The following MARF1 variants were observed in gnomAD, a reference collection of about 807,000 sequenced individuals.
MARF1 encodes the protein meiosis regulator and mRNA stability factor 1.
A neutral mutation model predicts 168.2 loss-of-function variants in MARF1; 24 were observed. The observed-to-expected ratio is 0.14, with a 90% confidence interval of 0.10 to 0.20. The LOEUF is 0.20. Among genes scored for constraint, MARF1 ranks in the 10% least tolerant of loss-of-function variants. The probability of loss-of-function intolerance (pLI) is 1.00; values close to 1 mark genes in which losing one functional copy is unlikely to be tolerated. For synonymous variants in MARF1, 868 were observed against 822.4 expected, an observed-to-expected ratio of 1.06 and a Z score of -0.95; for missense variants, 1,744 against 2,143.6, an observed-to-expected ratio of 0.81 and a Z score of 3.68.
At position 15,617,352 on chromosome 16, in the gene MARF1, C is replaced by T; in HGVS notation, c.2904G>A (p.Glu968=). 1 of 1,614,170 alleles carries T rather than the reference C, an allele frequency of 6.2e-7. No homozygotes were observed. The highest frequency in any genetic ancestry group is 8.5e-7 in the Non-Finnish European group (1 of 1,180,036). Reference sequence around the variant, plus strand: ...TGCAGACAGGCTCGTGATATTCTAACTCTTCAAATATAATTGGGCTGCAAT... The same window carrying T: ...TGCAGACAGGCTCGTGATATTCTAATTCTTCAAATATAATTGGGCTGCAAT... ...STNCSPIIFE[E]LEYHEPVCRQ... The change falls in exon 14 of 27, where the codon GAG becomes GAA. Residue 968 remains glutamate (E), a synonymous_variant. Coordinates refer to ENST00000396368, the MANE Select transcript of MARF1 (RefSeq NM_014647.4).
chr16:15,622,027 G>A lies in MARF1; in HGVS notation c.2461-116C>T, dbSNP rs1001375511. 9 of 897,940 alleles carry A rather than the reference G, an allele frequency of 1.0e-5. No individual in the cohort carries two copies. The African/African-American group carries it at 1.2e-4, about 12-fold the overall frequency. 55.6% of individuals were successfully genotyped at this position (897,940 alleles called of 1,614,324 possible). A position where few individuals can be genotyped will look rare whatever the true frequency, so the allele number is the denominator to read the frequency against. Reference sequence around the variant, plus strand: ...TCGACTGCAGCGCTTCCATGAAGGAGTATGTCTGAACTCTGCTCTTCTGCT... The same window carrying A: ...TCGACTGCAGCGCTTCCATGAAGGAATATGTCTGAACTCTGCTCTTCTGCT... On this transcript the variant is annotated intron_variant, in intron 11 of 26. Coordinates refer to ENST00000396368, the MANE Select transcript of MARF1 (RefSeq NM_014647.4).
rs774834683 is a variant in MARF1 at position 15,622,943 on chromosome 16, C to A, written c.2451G>T (p.Arg817Ser). The change falls in exon 11 of 27, where the codon AGG (arginine) becomes AGT (serine). Residue 817 changes from arginine to serine, a missense_variant. Around this residue, in one of 7 missense-constraint regions of MARF1, gnomAD observed 543 missense variants for 742.1 expected, o/e 0.73. Coordinates refer to ENST00000396368, the MANE Select transcript of MARF1 (RefSeq NM_014647.4). ...LQQLLQEAFA[R>S]HGKVKSVELS... The stretch of plus-strand genomic sequence containing the variant: ...AGAGGGAAAAAGTTACCTTGCCATG[C>A]CTGGCAAATGCTTCCTGCAGGAGCT... 3 of 1,563,740 alleles carry A rather than the reference C, an allele frequency of 1.9e-6. No homozygotes were observed. Among genetic ancestry groups the A allele is most frequent in the Middle Eastern group, 2.1e-4 (1 of 4,838 alleles).
chr16:15,621,207 T>A (rs936055880), intron 12 of MARF1, among the ~76,000 whole-genome samples: 7 of 152,204 alleles, frequency 4.6e-5, no homozygotes, highest in African/African-American at 1.7e-4. Flanking sequence ...GGTCCTGTTT[T>A]GCCAGTCTCC....
chr16:15,640,408 TAAC>T (rs1209732309), intron 1 of MARF1, among the ~76,000 whole-genome samples: 2 of 152,162 alleles, frequency 1.3e-5, no homozygotes, highest in African/African-American at 4.8e-5. Flanking sequence ...TTACAGGTCT[TAAC>T]AATAAATGCA....
intron 16 of MARF1, among the ~76,000 whole-genome samples, chr16:15,613,684 T>TAAATAAATAAATAAATAAAATAAAATA (rs1555524005): frequency 1.4e-5 from 2 of 146,222 alleles, no homozygotes; most frequent in African/African-American, 5.1e-5. Context: ...AATAAATAAA[T>TAAATAAATAAATAAATAAAATAAAATA]AAATAAAATA....
chr16:15,609,858 A>C, intron 19 of MARF1, 133 bp from the exon 20 acceptor site: 1 of 719,050 alleles, frequency 1.4e-6, no homozygotes, highest in Non-Finnish European at 2.3e-6. Context: ...ACACAACCTA[A>C]AACAAACACA....
chr16:15,608,424 TG>T lies in MARF1; in HGVS notation c.4048del (p.Gln1350LysfsTer7), dbSNP rs756465530. The stretch of plus-strand genomic sequence containing the variant: ...TGTCATCATAAGGCAGTTATCTTTT[TG>T]GGACCGAAGGAGTTTAACAAACTGG... ...AAQFVKLLRSQKDNCLMMTDL... is the reference protein window; with the variant it reads ...AAQFVKLLRSXKDNCLMMTDL... On this transcript the variant is annotated frameshift_variant, in exon 21 of 27. Transcript: ENST00000396368. LOFTEE classifies it high-confidence loss of function. 6.2e-7 allele frequency: 1 copy of T among 1,614,168 alleles called. No individual in the cohort carries two copies.
intron 25 of MARF1, among the ~76,000 whole-genome samples, chr16:15,599,854 G>A (rs950956554): frequency 3.9e-5 from 6 of 152,280 alleles, no homozygotes; most frequent in Admixed American, 2.6e-4. Context: ...GCCCTCTTCC[G>A]GATCAGGCCT....
intron 15 of MARF1, chr16:15,616,716 G>T: frequency 4.6e-6 from 1 of 219,344 alleles, no homozygotes; most frequent in Non-Finnish European, 9.0e-6. Context: ...CTAGGCTGGT[G>T]CAGCCCATGG....
rs200582881 is a variant in MARF1 at position 15,621,939 on chromosome 16, G to A, written c.2461-28C>T. On this transcript the variant is annotated intron_variant, in intron 11 of 26. Transcript: ENST00000396368. Reference sequence around the variant, plus strand: ...ACAACAGGAAAAGCGAAAACTAAACGCTATGTCCGCCCAGAACCCTGTCGT... The same window carrying A: ...ACAACAGGAAAAGCGAAAACTAAACACTATGTCCGCCCAGAACCCTGTCGT... 1,268 of 1,606,254 alleles carry A rather than the reference G, an allele frequency of 7.9e-4. 6 individuals carry two copies. Among genetic ancestry groups the A allele is most frequent in the Non-Finnish European group, 2.8e-4 (327 of 1,175,124 alleles).
intron 15 of MARF1, 109 bp from the exon 16 acceptor site, chr16:15,616,114 T>C: frequency 1.1e-6 from 1 of 892,242 alleles, no homozygotes. Flanking sequence ...TAATCATTTG[T>C]CTGAATGCCC....
rs1354370605 is a variant in MARF1 at position 15,617,084 on chromosome 16, G to A, written c.3045C>T (p.Leu1015=). 4 of 1,614,172 alleles carry A rather than the reference G, an allele frequency of 2.5e-6. No individual in the cohort carries two copies. Among genetic ancestry groups the A allele is most frequent in the Non-Finnish European group, 3.4e-6 (4 of 1,180,032 alleles). ...KTFAPQVHSL[L]QTHEGTVPLL... ...AAGGCACGGTGCCCTCGTGGGTCTG[G>A]AGAAGACTGTGAACCTGGGGCGCAA... The change falls in exon 15 of 27, where the codon CTC becomes CTT. Residue 1015 remains leucine (L), a synonymous_variant. Transcript: ENST00000396368.
At chr16:15,629,321 A>C (rs2035088200) in intron 7 of MARF1, among the ~76,000 whole-genome samples, 1 of 152,172 alleles carries the variant, frequency 6.6e-6, no homozygotes, top group South Asian at 2.1e-4. Context: ...TCTGGTATCC[A>C]CAACTCTCAA....
intron 7 of MARF1, 114 bp downstream of exon 7, chr16:15,630,218 A>C: frequency 1.2e-6 from 1 of 853,290 alleles, no homozygotes; most frequent in Non-Finnish European, 1.7e-6. Context: ...AATCTAACCC[A>C]CCTCTTACAA....
chr16:15,604,140 A>G lies in MARF1; in HGVS notation c.4413+28T>C, dbSNP rs370510789. On this transcript the variant is annotated intron_variant, in intron 22 of 26. Transcript: ENST00000396368. ...TGCCCAATCGATAGTTTTCAATGAT[A>G]GTTCTAAAGAGCCATTAACGTGCCT... 2.5e-5 allele frequency: 37 copies of G among 1,485,594 alleles called. No homozygotes were observed. The African/African-American group carries it at 5.0e-4, about 20-fold the overall frequency. 92.0% of individuals were successfully genotyped at this position (1,485,594 alleles called of 1,614,324 possible).
At chr16:15,607,584 G>A (rs1415453162) in intron 21 of MARF1, among the ~76,000 whole-genome samples, 1 of 152,178 alleles carries the variant, frequency 6.6e-6, no homozygotes, top group African/African-American at 2.4e-5. Context: ...AAGGGAGAGT[G>A]AACCCGTTCT....
At chr16:15,611,877 A>C (rs1451128538) in intron 17 of MARF1, 143 bp from the exon 18 acceptor site, 3 of 643,804 alleles carry the variant, frequency 4.7e-6, no homozygotes, top group Non-Finnish European at 7.6e-6. Flanking sequence ...ATGTCGATCA[A>C]CAAAATGTAG....
Position 15,630,449 on chromosome 16 carries a change from G to A in MARF1, c.1407C>T (p.His469=), listed in dbSNP as rs759811492. 6.2e-7 allele frequency: 1 copy of A among 1,613,988 alleles called. No individual in the cohort carries two copies. The highest frequency in any genetic ancestry group is 8.5e-7 in the Non-Finnish European group (1 of 1,179,972). ...CCTGGTTTTTATGGACCAAAATAATGTGGAAACCATGCCTGTGTCTCAGGT... is the reference window on the plus strand; with the variant it reads ...CCTGGTTTTTATGGACCAAAATAATATGGAAACCATGCCTGTGTCTCAGGT... ...LSDLRHRHGF[H]IILVHKNQAS... The change falls in exon 7 of 27, where the codon CAC becomes CAT. Residue 469 remains histidine, a synonymous_variant. Transcript: ENST00000396368.
chr16:15,612,670 T>G lies in MARF1; in HGVS notation c.3361A>C (p.Ile1121Leu). 1.2e-6 allele frequency: 2 copies of G among 1,614,154 alleles called. No homozygotes were observed. The highest frequency in any genetic ancestry group is 1.7e-6 in the Non-Finnish European group (2 of 1,180,004). Residue 1121 changes from isoleucine (I) to leucine (L), a missense_variant, in exon 17 of 27, where the codon ATC (isoleucine) becomes CTC (leucine). Physicochemically the swap from Ile to Leu is conservative, Grantham distance 5. Transcript: ENST00000396368. Reference sequence around the variant, plus strand: ...TGATAGGATGGGATGAAATGACTGATGGGTATGACACAAGATGGCTGGCTT... The same window carrying G: ...TGATAGGATGGGATGAAATGACTGAGGGGTATGACACAAGATGGCTGGCTT... ...LKSQPSCVIP[I>L]SHFIPSYHHH...
Sources: allele counts gnomAD v4.1 joint callset (sites outside exome capture counted in the v4.1 genomes callset), GRCh38; gene constraint gnomAD v4.1.1; regional missense constraint gnomAD v4.1.1; transcripts MANE v1.5; gene names NCBI Gene and HGNC (gene_info 2026-07-23, HGNC 2026-07-21).